The following FRMD4B variants were observed in gnomAD, a reference collection of about 807,000 sequenced individuals.
FRMD4B encodes the protein FERM domain containing 4B.
A neutral mutation model predicts 141.5 loss-of-function variants in FRMD4B; 74 were observed. That is an observed-to-expected ratio of 0.52 (90% CI 0.43 to 0.63). FRMD4B has a LOEUF of 0.63. Ranked by LOEUF, FRMD4B falls within the 30% of genes least tolerant of loss-of-function variation. The probability of loss-of-function intolerance (pLI) is 0.00; values close to 1 mark genes in which losing one functional copy is unlikely to be tolerated. For missense variants in FRMD4B, 1,366 were observed against 1,253.4 expected, an observed-to-expected ratio of 1.09 and a Z score of -1.36; for synonymous variants, 506 against 467.9, an observed-to-expected ratio of 1.08 and a Z score of -1.05.
At chr3:69,529,022 C>T (rs1700975837) in intron 1 of FRMD4B, among the ~76,000 whole-genome samples, 1 of 152,116 alleles carries the variant, frequency 6.6e-6, no homozygotes, top group Non-Finnish European at 1.5e-5. Context: ...CAGAGAAAGT[C>T]CTCAGACAAA....
At chr3:69,501,414 G>A (rs1016756692) in intron 1 of FRMD4B, among the ~76,000 whole-genome samples, 1 of 152,044 alleles carries the variant, frequency 6.6e-6, no homozygotes, top group Admixed American at 6.6e-5. Flanking sequence ...TAAGGGCATG[G>A]ATTCTGTAGC....
chr3:69,350,312 A>T (rs1212454101), intron 1 of FRMD4B, among the ~76,000 whole-genome samples: 2 of 152,218 alleles, frequency 1.3e-5, no homozygotes, highest in Non-Finnish European at 2.9e-5. Flanking sequence ...ATCATTAAAA[A>T]GTCAGGAAAC....
rs1161119924 is a variant in FRMD4B at position 69,540,660 on chromosome 3, T to TACACACACAC, written c.-129+1536_-129+1545dup. Among the ~76,000 whole-genome samples, 93 of 56,836 alleles carry TACACACACAC rather than the reference T, an allele frequency of 1.6e-3. 1 individual carries two copies. The highest frequency in any genetic ancestry group is 6.5e-3 in the African/African-American group (63 of 9,656). The allele number at this position is 56,836 out of a possible 152,430, so 37.3% of individuals were successfully genotyped here. A position where few individuals can be genotyped will look rare whatever the true frequency, so the allele number is the denominator to read the frequency against. On this transcript the variant is annotated intron_variant, in intron 1 of 5. Coordinates refer to the FRMD4B transcript ENST00000459638. ...AAATATATATATATATATATATATATACACACACACACACACACACACACA... is the reference window on the plus strand; with the variant it reads ...AAATATATATATATATATATATATATACACACACACACACACACACACACACACACACACA...
chr3:69,540,691 ACGGCAGT>A (rs1701168980), intron 1 of FRMD4B, among the ~76,000 whole-genome samples: 1 of 116,654 alleles, frequency 8.6e-6, no homozygotes, highest in Non-Finnish European at 1.8e-5. Flanking sequence ...ACACACACAC[ACGGCAGT>A]TATTGTTATT....
intron 3 of FRMD4B, chr3:69,306,459 A>G (rs1178559840): frequency 1.3e-5 from 2 of 152,354 alleles, no homozygotes; most frequent in African/African-American, 4.8e-5. Flanking sequence ...CTTTCAAAAC[A>G]TGAGAAGGCA....
Position 69,326,117 on chromosome 3 carries a change from C to CA in FRMD4B, c.163-12601dup, listed in dbSNP as rs1261536120. ...GTGCACACCATCATGCCTGGCTAAT[C>CA]AATTTTTTTTTTTTTTTTTTGTAGA... On this transcript the variant is annotated intron_variant, in intron 1 of 22. Transcript: ENST00000398540. Among the ~76,000 whole-genome samples, 195 of 138,002 alleles carry CA rather than the reference C, an allele frequency of 1.4e-3. 2 individuals are homozygous for CA. Among genetic ancestry groups the CA allele is most frequent in the African/African-American group, 5.7e-3 (183 of 32,202 alleles). The allele number at this position is 138,002 out of a possible 152,430, so 90.5% of individuals were successfully genotyped here.
At chr3:69,497,986 T>G (rs1706430151) in intron 1 of FRMD4B, among the ~76,000 whole-genome samples, 1 of 152,216 alleles carries the variant, frequency 6.6e-6, no homozygotes, top group South Asian at 2.1e-4. Flanking sequence ...AATAGCATTC[T>G]GGGGAGGCTG....
intron 2 of FRMD4B, among the ~76,000 whole-genome samples, chr3:69,409,758 A>T (rs1257477899): frequency 1.3e-5 from 2 of 151,648 alleles, no homozygotes; most frequent in Non-Finnish European, 2.9e-5. Flanking sequence ...GCATATAGAA[A>T]GCTCAGATGT....
At position 69,321,571 on chromosome 3, in the gene FRMD4B, T is replaced by C. The variant is rs148803584; in HGVS notation, c.163-8054A>G. ...GTGGTCCAAAACTGTCTAAGAGCTT[T>C]ATTGCTTTGTTCACCACTGTCTCCG... On this transcript the variant is annotated intron_variant, in intron 1 of 22. Transcript: ENST00000398540. Among the ~76,000 whole-genome samples, 18 of 152,292 alleles carry C rather than the reference T, an allele frequency of 1.2e-4. No individual in the cohort carries two copies. In the East Asian group the frequency reaches 3.5e-3, roughly 29 times the overall value.
In FRMD4B at chr3:69,169,978, C is replaced by A. The variant is rs2092567827; in HGVS notation, c.*1883G>T. 1 of 152,128 alleles carries A rather than the reference C, an allele frequency of 6.6e-6. No individual in the cohort carries two copies. Among genetic ancestry groups the A allele is most frequent in the African/African-American group, 2.4e-5 (1 of 41,424 alleles). 9.4% of individuals were successfully genotyped at this position (152,128 alleles called of 1,614,324 possible). A position where few individuals can be genotyped will look rare whatever the true frequency, so the allele number is the denominator to read the frequency against. ...TTCTCACCAGTCATCCTCAGTGAGACAAACTACCGCATTTCATCAATTCTA... is the reference window on the plus strand; with the variant it reads ...TTCTCACCAGTCATCCTCAGTGAGAAAAACTACCGCATTTCATCAATTCTA... On this transcript the variant is annotated 3_prime_UTR_variant, in exon 23 of 23. Coordinates refer to ENST00000398540, the MANE Select transcript of FRMD4B (RefSeq NM_015123.3).
intron 1 of FRMD4B, among the ~76,000 whole-genome samples, chr3:69,503,666 C>A (rs1197502398): frequency 2.0e-5 from 3 of 152,116 alleles, no homozygotes; most frequent in Non-Finnish European, 4.4e-5. Flanking sequence ...CACATGTACC[C>A]TAGAACTTAA....
chr3:69,364,555 T>C (rs1056397788), intron 1 of FRMD4B, among the ~76,000 whole-genome samples: 1 of 152,172 alleles, frequency 6.6e-6, no homozygotes, highest in Non-Finnish European at 1.5e-5. Flanking sequence ...CAAACAAATC[T>C]GTGGGTCAAC....
chr3:69,223,319 GC>G (rs540036001), intron 8 of FRMD4B, among the ~76,000 whole-genome samples: 1 of 152,102 alleles, frequency 6.6e-6, no homozygotes, highest in Non-Finnish European at 1.5e-5. Flanking sequence ...TTCGAGACCA[GC>G]CTGGCCAACA....
chr3:69,505,133 G>T (rs1237828519), intron 1 of FRMD4B, among the ~76,000 whole-genome samples: 1 of 152,160 alleles, frequency 6.6e-6, no homozygotes, highest in East Asian at 1.9e-4. Context: ...ATTTTGGGAG[G>T]CTGAGACCAG....
intron 1 of FRMD4B, among the ~76,000 whole-genome samples, chr3:69,447,685 G>A (rs1705430554): frequency 6.6e-6 from 1 of 152,146 alleles, no homozygotes; most frequent in Non-Finnish European, 1.5e-5. Flanking sequence ...ATATCCCTTT[G>A]TGCTCATTTC....
chr3:69,328,868 C>G (rs1052317615), intron 1 of FRMD4B, among the ~76,000 whole-genome samples: 1 of 152,052 alleles, frequency 6.6e-6, no homozygotes, highest in Non-Finnish European at 1.5e-5. Flanking sequence ...AATAACCCAC[C>G]CCTTGTTTAG....
intron 1 of FRMD4B, among the ~76,000 whole-genome samples, chr3:69,522,134 T>A (rs547420364): frequency 6.6e-6 from 1 of 152,180 alleles, no homozygotes; most frequent in East Asian, 1.9e-4. Flanking sequence ...ATTTTAGACA[T>A]CTACCCATAT....
chr3:69,486,238 C>T (rs1367259553), intron 1 of FRMD4B, among the ~76,000 whole-genome samples: 5 of 152,080 alleles, frequency 3.3e-5, no homozygotes, highest in East Asian at 1.9e-4. Flanking sequence ...TATTATTTTC[C>T]GTAAGTTGTT....
chr3:69,387,419 C>T (rs937407018), upstream of FRMD4B, among the ~76,000 whole-genome samples: 3 of 152,194 alleles, frequency 2.0e-5, no homozygotes, highest in Non-Finnish European at 4.4e-5. Flanking sequence ...GCCCAGCCTC[C>T]ATTTTCCCTT....
Sources: gnomAD v4.1 joint callset for allele counts (sites outside exome capture counted in the v4.1 genomes callset) on GRCh38, gnomAD v4.1.1 for gene constraint, MANE v1.5 for transcripts, NCBI Gene and HGNC (gene_info 2026-07-23, HGNC 2026-07-21) for gene names.